ST7: variants seen among roughly 807,000 people sequenced by gnomAD.
The protein encoded by ST7 is suppressor of tumorigenicity 7 protein.
In ST7, 28 loss-of-function variants were observed where a neutral mutation model predicts 78.7. The ratio of observed to expected loss-of-function variants is 0.36; its 90% confidence interval spans 0.26 to 0.49. The LOEUF is 0.49. Ranked by LOEUF, ST7 falls within the 20% of genes least tolerant of loss-of-function variation. The probability of loss-of-function intolerance (pLI) is 0.99; values close to 1 mark genes in which losing one functional copy is unlikely to be tolerated. For synonymous variants in ST7, 247 were observed against 249.6 expected, an observed-to-expected ratio of 0.99 and a Z score of 0.10; for missense variants, 418 against 696.0, an observed-to-expected ratio of 0.60 and a Z score of 4.49.
chr7:117,001,855 A>G (rs1302095786), intron 1 of ST7, among the ~76,000 whole-genome samples: 1 of 152,172 alleles, frequency 6.6e-6, no homozygotes, highest in African/African-American at 2.4e-5. Context: ...TATTTTGTCT[A>G]CAGACAAAAT....
At chr7:117,123,657 T>G (rs1803590081) in intron 3 of ST7, among the ~76,000 whole-genome samples, 2 of 152,180 alleles carry the variant, frequency 1.3e-5, no homozygotes, top group South Asian at 4.1e-4. Context: ...CACTACCATT[T>G]CTTAATTCAG....
chr7:117,008,156 T>G (rs1289126840), intron 1 of ST7, among the ~76,000 whole-genome samples: 2 of 152,202 alleles, frequency 1.3e-5, no homozygotes, highest in Non-Finnish European at 2.9e-5. Flanking sequence ...GCCGAAACCC[T>G]TAATGAGGTA....
At chr7:117,151,430 G>C (rs1425108444) in intron 9 of ST7, among the ~76,000 whole-genome samples, 1 of 152,058 alleles carries the variant, frequency 6.6e-6, no homozygotes, top group African/African-American at 2.4e-5. Context: ...ATCCTCACTT[G>C]GTTGGCTCCT....
At chr7:117,068,139 G>A (rs1390067023) in intron 1 of ST7, among the ~76,000 whole-genome samples, 4 of 151,976 alleles carry the variant, frequency 2.6e-5, no homozygotes, top group Admixed American at 6.6e-5. Context: ...GTTATTGTAG[G>A]GTTCACAGTT....
chr7:116,994,244 A>G (rs1794551870), intron 1 of ST7, among the ~76,000 whole-genome samples: 1 of 152,208 alleles, frequency 6.6e-6, no homozygotes, highest in African/African-American at 2.4e-5. Flanking sequence ...CTAATTTAAG[A>G]GGAATCATGT....
Position 117,065,204 on chromosome 7 carries a change from CTTTTTTTTTTTT to C in ST7, c.152-34546_152-34535del, listed in dbSNP as rs11363365. Reference sequence around the variant, plus strand: ...AATTTGAGGGCTTTTTGGTTCAAGTCTTTTTTTTTTTTTTTTTTTTTTTAGACGGAGTCTGGC... The same window carrying C: ...AATTTGAGGGCTTTTTGGTTCAAGTCTTTTTTTTTTTAGACGGAGTCTGGC... On this transcript the variant is annotated intron_variant, in intron 1 of 15. Coordinates refer to ENST00000323984, the MANE Select transcript of ST7 (RefSeq NM_001369598.1). Among the ~76,000 whole-genome samples the C allele has an allele frequency of 4.1e-4, 38 of 91,822 alleles. No homozygotes were observed. The South Asian group carries it at 0.015, about 36-fold the overall frequency. The allele number at this position is 91,822 out of a possible 152,430, so 60.2% of individuals were successfully genotyped here. A position where few individuals can be genotyped will look rare whatever the true frequency, so the allele number is the denominator to read the frequency against.
At chr7:117,017,171 T>C (rs1162712879) in intron 1 of ST7, among the ~76,000 whole-genome samples, 1 of 152,212 alleles carries the variant, frequency 6.6e-6, no homozygotes, top group African/African-American at 2.4e-5. Context: ...AACCTTCTCA[T>C]GCAATTACTC....
At chr7:117,142,006 A>G (rs978992372) in intron 9 of ST7, among the ~76,000 whole-genome samples, 1 of 152,192 alleles carries the variant, frequency 6.6e-6, no homozygotes, top group Non-Finnish European at 1.5e-5. Context: ...ATTATTCAAA[A>G]TAAAAAGTTG....
At chr7:117,082,254 C>T (rs563648020) in intron 1 of ST7, among the ~76,000 whole-genome samples, 59 of 152,320 alleles carry the variant, frequency 3.9e-4, no homozygotes, top group African/African-American at 1.3e-3. Context: ...ATCTCACCAT[C>T]ACACTTGATA....
chr7:117,053,821 AAGAAC>A (rs1277747869), intron 1 of ST7, among the ~76,000 whole-genome samples: 6 of 150,620 alleles, frequency 4.0e-5, no homozygotes, highest in East Asian at 3.9e-4. Context: ...TTCATGGGTG[AAGAAC>A]AGAACAGAAC....
chr7:116,984,833 C>T (rs1794124361), intron 1 of ST7, among the ~76,000 whole-genome samples: 2 of 152,080 alleles, frequency 1.3e-5, no homozygotes, highest in African/African-American at 4.8e-5. Context: ...GTTCTCATGA[C>T]CATTCAGACT....
chr7:117,002,657 G>GTGTGTT (rs1794983236), intron 1 of ST7, among the ~76,000 whole-genome samples: 1 of 151,434 alleles, frequency 6.6e-6, no homozygotes, highest in Non-Finnish European at 1.5e-5. Flanking sequence ...GTGTGTGTGT[G>GTGTGTT]TGTGTGTGTT....
At chr7:117,202,826 A>G (rs1417278221) in intron 12 of ST7, among the ~76,000 whole-genome samples, 6 of 151,988 alleles carry the variant, frequency 3.9e-5, no homozygotes, top group Admixed American at 3.9e-4. Flanking sequence ...AGATTTCCCC[A>G]CAGCTTTGTT....
intron 12 of ST7, among the ~76,000 whole-genome samples, chr7:117,206,992 G>C (rs1370945777): frequency 6.6e-6 from 1 of 152,112 alleles, no homozygotes; most frequent in Non-Finnish European, 1.5e-5. Context: ...ATTTTGTTTG[G>C]TTTTAACTAA....
chr7:117,173,285 G>C (rs1808132807), intron 10 of ST7: 1 of 152,212 alleles, frequency 6.6e-6, no homozygotes. Flanking sequence ...GAGTTCAGCA[G>C]TTGTCAATAG....
At chr7:117,043,021 G>A (rs1797310163) in intron 1 of ST7, among the ~76,000 whole-genome samples, 1 of 152,036 alleles carries the variant, frequency 6.6e-6, no homozygotes, top group Non-Finnish European at 1.5e-5. Flanking sequence ...AATGGATTAA[G>A]TAATGTTTTG....
At chr7:116,969,265 A>G (rs1286435969) in intron 1 of ST7, among the ~76,000 whole-genome samples, 2 of 152,078 alleles carry the variant, frequency 1.3e-5, no homozygotes, top group Admixed American at 6.5e-5. Context: ...GAGGAGTATC[A>G]TATCTCCCTA....
At chr7:117,168,805 T>G (rs1002083454) in intron 9 of ST7, among the ~76,000 whole-genome samples, 6 of 152,236 alleles carry the variant, frequency 3.9e-5, no homozygotes, top group Non-Finnish European at 8.8e-5. Context: ...ATATGGTAAA[T>G]GTTCCTAATG....
At chr7:117,000,733 G>C (rs1401406167) in intron 1 of ST7, among the ~76,000 whole-genome samples, 2 of 152,212 alleles carry the variant, frequency 1.3e-5, no homozygotes, top group African/African-American at 4.8e-5. Context: ...GTGGGTGTGG[G>C]CTTTGCCTTG....
Sources: gnomAD v4.1 joint callset for allele counts (sites outside exome capture counted in the v4.1 genomes callset) on GRCh38, gnomAD v4.1.1 for gene constraint, MANE v1.5 for transcripts, NCBI Gene and HGNC (gene_info 2026-07-23, HGNC 2026-07-21) for gene names.